Variants in IDNK observed in about 807,000 individuals in gnomAD.
IDNK encodes the protein IDNK gluconokinase.
Under a neutral mutation model 13.0 loss-of-function variants are expected in IDNK, and 9 were observed. That is an observed-to-expected ratio of 0.69 (90% CI 0.42 to 1.21). IDNK has a LOEUF of 1.21. Ranked by LOEUF, IDNK falls within the 50% of genes most tolerant of loss-of-function variation. The pLI is 0.00. For missense variants in IDNK, 210 were observed against 237.8 expected (o/e 0.88, Z 0.77); for synonymous variants, 92 against 94.9 (o/e 0.97, Z 0.18).
chr9:83,643,959 C>A lies in IDNK; in HGVS notation c.*179C>A. ...GGAATTATGCTGGTTCATCAGGAAG[C>A]AGAGGGGGAGTTTTAAAAGTCAAGC... On this transcript the variant is annotated 3_prime_UTR_variant, in exon 5 of 5. Coordinates refer to ENST00000376419, the MANE Select transcript of IDNK (RefSeq NM_001001551.4). 1 of 543,376 alleles carries A rather than the reference C, an allele frequency of 1.8e-6. No individual in the cohort carries two copies. Among genetic ancestry groups the A allele is most frequent in the Non-Finnish European group, 3.3e-6 (1 of 307,052 alleles). 33.7% of individuals were successfully genotyped at this position (543,376 alleles called of 1,614,324 possible).
intron 1 of IDNK, among the ~76,000 whole-genome samples, chr9:83,625,613 G>A (rs907003250): frequency 1.3e-5 from 2 of 152,248 alleles, no homozygotes; most frequent in East Asian, 1.9e-4. Context: ...ATCATTGGAT[G>A]TAGCAACATC....
At chr9:83,629,897 C>T (rs780914618) in intron 3 of IDNK, among the ~76,000 whole-genome samples, 66 of 152,262 alleles carry the variant, frequency 4.3e-4, no homozygotes, top group Non-Finnish European at 7.5e-4. Context: ...ATAGCACTCT[C>T]CTGTGTGCAG....
chr9:83,623,567 T>G, intron 1 of IDNK: 1 of 283,440 alleles, frequency 3.5e-6, no homozygotes, highest in Non-Finnish European at 6.8e-6. Flanking sequence ...TCGGGGCGCC[T>G]TGTCGGGGCC....
chr9:83,626,784 G>A lies in IDNK; in HGVS notation c.51-1397G>A, dbSNP rs76701379. 9,969 of 1,172,454 alleles carry A rather than the reference G, an allele frequency of 8.5e-3. 574 individuals are homozygous for A. In the African/African-American group the frequency reaches 0.14, roughly 16 times the overall value. The allele number at this position is 1,172,454 out of a possible 1,614,324, so 72.6% of individuals were successfully genotyped here. On this transcript the variant is annotated intron_variant, in intron 1 of 4. Transcript: ENST00000376419. ...TTCACCAGCCATGGAGTTTGGCCGG[G>A]ATGGTCTACTCATCCGTAGGCTGCA...
chr9:83,626,541 G>A (rs1169494970), intron 1 of IDNK: 7 of 438,290 alleles, frequency 1.6e-5, no homozygotes, highest in Admixed American at 7.5e-5. Flanking sequence ...CTCAGCCTCC[G>A]GAGTAACTGG....
In IDNK at chr9:83,643,645, GC is replaced by G; in HGVS notation, c.434del (p.Pro145LeufsTer23). 5 of 1,610,468 alleles carry G rather than the reference GC, an allele frequency of 3.1e-6. No individual in the cohort carries two copies. Among genetic ancestry groups the G allele is most frequent in the Non-Finnish European group, 4.2e-6 (5 of 1,178,024 alleles). ...RLLKREGHFMPPELLQSQFET... is the reference protein window; with the variant it reads ...RLLKREGHFMXPELLQSQFET... ...TACTCAAAAGAGAGGGACATTTTATGCCCCCTGAATTATTGCAGTCCCAGTT... is the reference window on the plus strand; with the variant it reads ...TACTCAAAAGAGAGGGACATTTTATGCCCCTGAATTATTGCAGTCCCAGTT... On this transcript the variant is annotated frameshift_variant, in exon 5 of 5. Coordinates refer to ENST00000376419, the MANE Select transcript of IDNK (RefSeq NM_001001551.4). LOFTEE classifies it high-confidence loss of function.
intron 3 of IDNK, among the ~76,000 whole-genome samples, chr9:83,630,626 A>G (rs1313069116): frequency 1.3e-5 from 2 of 152,254 alleles, no homozygotes; most frequent in South Asian, 2.1e-4. Flanking sequence ...TACAACATAA[A>G]TCATATATAC....
At chr9:83,624,452 C>T (rs1181001842) in intron 1 of IDNK, among the ~76,000 whole-genome samples, 1 of 152,080 alleles carries the variant, frequency 6.6e-6, no homozygotes, top group Non-Finnish European at 1.5e-5. Flanking sequence ...AAATCCCTGC[C>T]CTCAAAGGAT....
chr9:83,635,469 T>C (rs1191484306), intron 3 of IDNK, among the ~76,000 whole-genome samples: 1 of 152,252 alleles, frequency 6.6e-6, no homozygotes, highest in Non-Finnish European at 1.5e-5. Flanking sequence ...CAAGGCACCA[T>C]GTCCGCTGGA....
At chr9:83,629,036 G>A in intron 3 of IDNK, 77 bp downstream of exon 3, 1 of 1,167,316 alleles carries the variant, frequency 8.6e-7, no homozygotes, top group Non-Finnish European at 1.3e-6. Flanking sequence ...ACTTGCTGTA[G>A]TAGAGTTCGT....
chr9:83,628,815 T>G, intron 2 of IDNK, 58 bp from the exon 3 acceptor site: 1 of 1,193,338 alleles, frequency 8.4e-7, no homozygotes, highest in African/African-American at 1.5e-5. Flanking sequence ...AATCCCACAA[T>G]GACTATCACA....
chr9:83,636,292 A>C, intron 3 of IDNK, among the ~76,000 whole-genome samples: 1 of 152,176 alleles, frequency 6.6e-6, no homozygotes, highest in Non-Finnish European at 1.5e-5. Flanking sequence ...TGGATAAAGG[A>C]AAGTGGAAAT....
Position 83,643,639 on chromosome 9 carries a change from T to C in IDNK, c.423T>C (p.His141=), listed in dbSNP as rs1241994500. The change falls in exon 5 of 5, where the codon CAT becomes CAC. Residue 141 remains histidine, a synonymous_variant. Transcript: ENST00000376419. ...ISGRLLKREG[H]FMPPELLQSQ... ...GACGCTTACTCAAAAGAGAGGGACATTTTATGCCCCCTGAATTATTGCAGT... is the reference window on the plus strand; with the variant it reads ...GACGCTTACTCAAAAGAGAGGGACACTTTATGCCCCCTGAATTATTGCAGT... The C allele has an allele frequency of 3.7e-6, 6 of 1,613,028 alleles. No homozygotes were observed. In the South Asian group the frequency reaches 4.4e-5, roughly 12 times the overall value.
Position 83,623,177 on chromosome 9 carries a change from G to A in IDNK, c.6G>A (p.Ala2=), listed in dbSNP as rs994516961. The stretch of plus-strand genomic sequence containing the variant: ...GAAGGAGCCGAGCTTGGGTTATGGC[G>A]GCGCCGGGCGCGCTGCTGGTGATGG... M[A]APGALLVMGV... is the part of the protein sequence containing the mutation. Residue 2 remains alanine, a synonymous_variant, in exon 1 of 5, where the codon GCG becomes GCA. Transcript: ENST00000376419. 1 of 1,412,064 alleles carries A rather than the reference G, an allele frequency of 7.1e-7. No individual in the cohort carries two copies. Among genetic ancestry groups the A allele is most frequent in the South Asian group, 1.6e-5 (1 of 62,394 alleles). The allele number at this position is 1,412,064 out of a possible 1,614,324, so 87.5% of individuals were successfully genotyped here. A position where few individuals can be genotyped will look rare whatever the true frequency, so the allele number is the denominator to read the frequency against.
intron 3 of IDNK, among the ~76,000 whole-genome samples, chr9:83,629,357 G>A (rs1419320893): frequency 6.6e-6 from 1 of 152,152 alleles, no homozygotes; most frequent in Non-Finnish European, 1.5e-5. Context: ...AGTGATCTTT[G>A]AGAACTCAAA....
In IDNK at chr9:83,643,792, T is replaced by A; in HGVS notation, c.*12T>A. 6.4e-7 allele frequency: 1 copy of A among 1,570,882 alleles called. No homozygotes were observed. Among genetic ancestry groups the A allele is most frequent in the Non-Finnish European group, 8.7e-7 (1 of 1,145,462 alleles). On this transcript the variant is annotated 3_prime_UTR_variant, in exon 5 of 5. Coordinates refer to ENST00000376419, the MANE Select transcript of IDNK (RefSeq NM_001001551.4). ...TAAAAATGAAATGACAATGATTTTGTATCAGTGGTCCAAACAGAACTAAGC... is the reference window on the plus strand; with the variant it reads ...TAAAAATGAAATGACAATGATTTTGAATCAGTGGTCCAAACAGAACTAAGC...
intron 1 of IDNK, chr9:83,626,416 GTTTT>G (rs1275145916): frequency 2.4e-5 from 7 of 297,242 alleles, no homozygotes; most frequent in Non-Finnish European, 4.6e-5. Flanking sequence ...TTGTTTTTTT[GTTTT>G]TTGTTTTTTG....
intron 1 of IDNK, chr9:83,626,832 T>A: frequency 9.0e-7 from 1 of 1,109,248 alleles, no homozygotes; most frequent in African/African-American, 1.7e-5. Flanking sequence ...CAGCCTTCAA[T>A]AGAATGAACT....
chr9:83,625,352 T>G (rs1253730525), intron 1 of IDNK, among the ~76,000 whole-genome samples: 1 of 152,188 alleles, frequency 6.6e-6, no homozygotes, highest in Non-Finnish European at 1.5e-5. Flanking sequence ...CAATTAGTCA[T>G]CCAGTGGATG....
Sources: allele counts gnomAD v4.1 joint callset (sites outside exome capture counted in the v4.1 genomes callset), GRCh38; gene constraint gnomAD v4.1.1; transcripts MANE v1.5; gene names NCBI Gene and HGNC (gene_info 2026-07-23, HGNC 2026-07-21).